GNB1: variants seen among roughly 807,000 people sequenced by gnomAD.
GNB1 encodes the protein G protein subunit beta 1.
A neutral mutation model predicts 42.9 loss-of-function variants in GNB1; 2 were observed. That is an observed-to-expected ratio of 0.05 (90% CI 0.02 to 0.15). The LOEUF (loss-of-function observed/expected upper bound fraction) is 0.15. GNB1 is among the 10% of genes least tolerant of loss of function. The pLI is 1.00. For synonymous variants in GNB1, 183 were observed against 174.7 expected (o/e 1.05, Z -0.38); for missense variants, 193 against 462.2 (o/e 0.42, Z 5.34).
chr1:1,888,889 A>C (rs1005888793), intron 1 of GNB1, among the ~76,000 whole-genome samples: 6 of 152,168 alleles, frequency 3.9e-5, no homozygotes, highest in Admixed American at 2.0e-4. Flanking sequence ...AAAACCCACC[A>C]TTCAGTCCTA....
intron 2 of GNB1, among the ~76,000 whole-genome samples, chr1:1,836,552 T>C (rs1320382909): frequency 6.6e-6 from 1 of 151,786 alleles, no homozygotes; most frequent in Non-Finnish European, 1.5e-5. Flanking sequence ...ACACGATGCC[T>C]GGCTAAATTT....
chr1:1,823,772 T>C lies in GNB1; in HGVS notation c.57+1625A>G, dbSNP rs753377098. 3.9e-5 allele frequency among the ~76,000 whole-genome samples: 6 copies of C among 152,226 alleles called. No individual in the cohort carries two copies. In the East Asian group the frequency reaches 1.2e-3, roughly 29 times the overall value. On this transcript the variant is annotated intron_variant, in intron 3 of 11. Coordinates refer to ENST00000378609, the MANE Select transcript of GNB1 (RefSeq NM_002074.5). Reference sequence around the variant, plus strand: ...TGTTGGTGTTTCTCTCTCCAAATCCTGGTGGGCTTTCTAAACATGTAATTG... The same window carrying C: ...TGTTGGTGTTTCTCTCTCCAAATCCCGGTGGGCTTTCTAAACATGTAATTG...
intron 7 of GNB1, 32 bp downstream of exon 7, chr1:1,804,387 G>A (rs1185265437): frequency 6.5e-7 from 1 of 1,547,388 alleles, no homozygotes; most frequent in Admixed American, 1.7e-5. Flanking sequence ...AACAGCTTGT[G>A]TCACTTGAAG....
rs1033308852 is a variant in GNB1, at chr1:1,793,237, G to T, written c.497+8C>A. The T allele has an allele frequency of 6.2e-7, 1 of 1,604,276 alleles. No individual in the cohort carries two copies. The highest frequency in any genetic ancestry group is 2.2e-5 in the East Asian group (1 of 44,814). ...CAAGGCACTGCCTGCCCCGGGTCAG[G>T]TACTTACCACGTGGTGTCTCCAGAG... On this transcript the variant is annotated splice_region_variant and intron_variant, in intron 8 of 11. Transcript: ENST00000378609.
chr1:1,787,760 A>G lies in GNB1; in HGVS notation c.917-323T>C, dbSNP rs145530350. On this transcript the variant is annotated intron_variant, in intron 10 of 11. Transcript: ENST00000378609. This position sits in a 1 kb window ranked among gnomAD's most constrained non-coding sequence, Gnocchi z 4.4. ...AAAAATCAAAACTATCATCAGACGC[A>G]GTGGCTTAGGCCTGTAATCCCAGCA... 6.6e-4 allele frequency among the ~76,000 whole-genome samples: 100 copies of G among 152,308 alleles called. 2 individuals carry two copies. The highest frequency in any genetic ancestry group is 2.1e-3 in the African/African-American group (87 of 41,564).
At chr1:1,836,440 G>A (rs1015739084) in intron 2 of GNB1, among the ~76,000 whole-genome samples, 3 of 144,408 alleles carry the variant, frequency 2.1e-5, no homozygotes, top group Admixed American at 7.1e-5. Context: ...TGTCCAGGCT[G>A]GAGTACAGTG....
intron 1 of GNB1, among the ~76,000 whole-genome samples, chr1:1,854,261 T>C (rs1648146278): frequency 3.3e-5 from 5 of 152,170 alleles, no homozygotes; most frequent in African/African-American, 9.7e-5. Flanking sequence ...TGTGGAGAAA[T>C]CTGAGCGGGG....
At chr1:1,819,096 T>C (rs955703172) in intron 3 of GNB1, among the ~76,000 whole-genome samples, 13 of 151,770 alleles carry the variant, frequency 8.6e-5, no homozygotes, top group African/African-American at 2.4e-4. Context: ...TACTAGAAAA[T>C]AGACCTGGAA....
chr1:1,862,689 G>C (rs1648700753), intron 1 of GNB1, among the ~76,000 whole-genome samples: 1 of 151,962 alleles, frequency 6.6e-6, no homozygotes, highest in African/African-American at 2.4e-5. Context: ...CCAGCTCCTG[G>C]GCTCAAGCAA....
chr1:1,806,445 T>C (rs1646696106), intron 6 of GNB1, 30 bp downstream of exon 6: 1 of 1,468,630 alleles, frequency 6.8e-7, no homozygotes, highest in Non-Finnish European at 9.5e-7. Context: ...TGGGTTGGTT[T>C]TTCAAGGAAG....
At chr1:1,833,713 C>A (rs1437637039) in intron 2 of GNB1, among the ~76,000 whole-genome samples, 1 of 152,202 alleles carries the variant, frequency 6.6e-6, no homozygotes, top group South Asian at 2.1e-4. Context: ...TGCTGCTTTG[C>A]ATGGCTGTTA....
chr1:1,868,678 G>A (rs1649077579), intron 1 of GNB1, among the ~76,000 whole-genome samples: 1 of 151,860 alleles, frequency 6.6e-6, no homozygotes, highest in Admixed American at 6.6e-5. Context: ...AGTTACTCAG[G>A]AGGCTGAGGC....
At position 1,804,312 on chromosome 1, in the gene GNB1, A is replaced by G; in HGVS notation, c.430+107T>C. On this transcript the variant is annotated intron_variant, in intron 7 of 11. Coordinates refer to ENST00000378609, the MANE Select transcript of GNB1 (RefSeq NM_002074.5). ...AGACTCCGCCTCAAAAAAAATAATT[A>G]ATTAATTAATTAAAAAATGATTGAT... 5.3e-6 allele frequency: 4 copies of G among 753,236 alleles called. No individual in the cohort carries two copies. The South Asian group carries it at 6.9e-5, about 13-fold the overall frequency. 46.7% of individuals were successfully genotyped at this position (753,236 alleles called of 1,614,324 possible).
intron 3 of GNB1, 141 bp from the exon 4 acceptor site, chr1:1,818,016 G>A (rs1330774868): frequency 1.5e-6 from 1 of 650,726 alleles, no homozygotes; most frequent in African/African-American, 1.8e-5. Flanking sequence ...GAGTCTCCTT[G>A]CATCTCAACA....
At chr1:1,816,461 T>C (rs1477967620) in intron 4 of GNB1, among the ~76,000 whole-genome samples, 2 of 152,144 alleles carry the variant, frequency 1.3e-5, no homozygotes, top group African/African-American at 2.4e-5. Context: ...CTTCTCAGAA[T>C]TGAAATTCAG....
chr1:1,860,542 C>A (rs1648563484), intron 1 of GNB1, among the ~76,000 whole-genome samples: 2 of 151,402 alleles, frequency 1.3e-5, no homozygotes, highest in African/African-American at 4.9e-5. Context: ...GAGGCTGAGG[C>A]AGGAGAACGG....
chr1:1,847,560 T>C (rs566292012), intron 1 of GNB1, among the ~76,000 whole-genome samples: 1 of 152,298 alleles, frequency 6.6e-6, no homozygotes, highest in Admixed American at 6.5e-5. Flanking sequence ...GAAAGAATTG[T>C]CAATGCTATG....
chr1:1,819,116 G>A (rs1481880820), intron 3 of GNB1, among the ~76,000 whole-genome samples: 1 of 151,888 alleles, frequency 6.6e-6, no homozygotes, highest in African/African-American at 2.4e-5. Context: ...AATCTCAAAA[G>A]AGAACGTACG....
intron 1 of GNB1, among the ~76,000 whole-genome samples, chr1:1,851,044 C>T (rs532198487): frequency 1.4e-4 from 21 of 151,876 alleles, no homozygotes; most frequent in African/African-American, 3.9e-4. Context: ...CCAAGGCGGG[C>T]GGATCACAAG....
Sources: gnomAD v4.1 joint callset for allele counts (sites outside exome capture counted in the v4.1 genomes callset) on GRCh38, gnomAD v4.1.1 for gene constraint, Gnocchi (gnomAD v3.1) non-coding constraint, MANE v1.5 for transcripts, NCBI Gene and HGNC (gene_info 2026-07-23, HGNC 2026-07-21) for gene names.